SORCS2: variants seen among roughly 807,000 people sequenced by gnomAD.
The protein encoded by SORCS2 is VPS10 domain-containing receptor SorCS2.
A neutral mutation model predicts 141.6 loss-of-function variants in SORCS2; 100 were observed. The ratio of observed to expected loss-of-function variants is 0.71; its 90% CI spans 0.60 to 0.83. SORCS2 has a LOEUF of 0.83. Ranked by LOEUF, SORCS2 falls within the 40% of genes least tolerant of loss-of-function variation. The pLI, the probability that SORCS2 is intolerant of heterozygous loss-of-function variation, is 0.00. For synonymous variants in SORCS2, 789 were observed against 676.9 expected, an observed-to-expected ratio of 1.17 and a Z score of -2.57; for missense variants, 1,646 against 1,560.2, an observed-to-expected ratio of 1.05 and a Z score of -0.93.
At chr4:7,393,681 G>A (rs558879434) in intron 1 of SORCS2, among the ~76,000 whole-genome samples, 21 of 152,306 alleles carry the variant, frequency 1.4e-4, no homozygotes, top group African/African-American at 3.6e-4. Context: ...GGGGCATTGC[G>A]GGGGTTGCTG....
At position 7,324,016 on chromosome 4, in the gene SORCS2, C is replaced by T. The variant is rs111787402; in HGVS notation, c.481-72272C>T. Among the ~76,000 whole-genome samples, 1,341 of 152,320 alleles carry T rather than the reference C, an allele frequency of 8.8e-3. 16 individuals are homozygous for T. The highest frequency in any genetic ancestry group is 0.03 in the African/African-American group (1,247 of 41,562). ...TCCTAGGATCTGAGGCCCACACCAT[C>T]CTTACGCGATGGGTCTCTCACAGGG... On this transcript the variant is annotated intron_variant, in intron 1 of 26. Transcript: ENST00000507866.
chr4:7,548,929 G>A (rs1713475556), intron 3 of SORCS2, among the ~76,000 whole-genome samples: 1 of 152,204 alleles, frequency 6.6e-6, no homozygotes, highest in Admixed American at 6.5e-5. Context: ...TCTGAGCCAA[G>A]ATGCCCCATT....
chr4:7,522,472 C>T (rs978890364), intron 2 of SORCS2, among the ~76,000 whole-genome samples: 69 of 152,158 alleles, frequency 4.5e-4, no homozygotes, highest in African/African-American at 1.6e-3. Flanking sequence ...ATGATCAGCT[C>T]CTGAGTTGCT....
intron 3 of SORCS2, among the ~76,000 whole-genome samples, chr4:7,563,257 C>T (rs1349495827): frequency 2.6e-5 from 4 of 152,130 alleles, no homozygotes; most frequent in Non-Finnish European, 2.9e-5. Flanking sequence ...ACAATGACTG[C>T]ATGCCACCAC....
intron 2 of SORCS2, among the ~76,000 whole-genome samples, chr4:7,505,984 T>C (rs959402721): frequency 1.9e-4 from 29 of 152,056 alleles, no homozygotes; most frequent in African/African-American, 5.3e-4. Context: ...CCAGAGTCAT[T>C]GTGAGGAGCC....
intron 1 of SORCS2, among the ~76,000 whole-genome samples, chr4:7,235,243 C>A (rs535889286): frequency 6.6e-6 from 1 of 152,216 alleles, no homozygotes; most frequent in Non-Finnish European, 1.5e-5. Flanking sequence ...CCAGTTAGTA[C>A]CCCACCCTTC....
At chr4:7,691,290 G>A (rs898881610) in intron 11 of SORCS2, among the ~76,000 whole-genome samples, 1 of 152,240 alleles carries the variant, frequency 6.6e-6, no homozygotes, top group Non-Finnish European at 1.5e-5. Context: ...GGCCCTCCAA[G>A]GCTGTTTGTG....
chr4:7,482,634 C>CT (rs779186952), intron 2 of SORCS2, among the ~76,000 whole-genome samples: 64 of 80,930 alleles, frequency 7.9e-4, no homozygotes, highest in East Asian at 3.0e-3. Flanking sequence ...ACACCCCTGA[C>CT]GCTGTTTAGA....
At chr4:7,268,062 A>G (rs1047522903) in intron 1 of SORCS2, among the ~76,000 whole-genome samples, 2 of 152,130 alleles carry the variant, frequency 1.3e-5, no homozygotes, top group Non-Finnish European at 2.9e-5. Flanking sequence ...CTGGTTGTCT[A>G]CACAGCCTGA....
At chr4:7,693,747 G>A (rs1429381389) in intron 11 of SORCS2, among the ~76,000 whole-genome samples, 2 of 152,246 alleles carry the variant, frequency 1.3e-5, no homozygotes, top group East Asian at 1.9e-4. Context: ...TCAGGGAACT[G>A]AGTCTCAGAG....
At chr4:7,613,912 T>C (rs1718583939) in intron 3 of SORCS2, among the ~76,000 whole-genome samples, 1 of 151,550 alleles carries the variant, frequency 6.6e-6, no homozygotes, top group Non-Finnish European at 1.5e-5. Flanking sequence ...ACCTATCCAC[T>C]CATCAAACAT....
intron 14 of SORCS2, among the ~76,000 whole-genome samples, chr4:7,709,012 TG>T (rs1175354930): frequency 6.6e-6 from 1 of 152,230 alleles, no homozygotes; most frequent in African/African-American, 2.4e-5. Context: ...GGCCGTGGTC[TG>T]GGACAGAATG....
chr4:7,304,155 A>AT lies in SORCS2; in HGVS notation c.481-92133_481-92132insT, dbSNP rs557724310. ...ACGCTGGAGATAACAGCAAAGAGCA[A>AT]AAGACCAAACCCTGAGTCTTCGCTC... On this transcript the variant is annotated intron_variant, in intron 1 of 26. Transcript: ENST00000507866. Among the ~76,000 whole-genome samples, 402 of 152,360 alleles carry AT rather than the reference A, an allele frequency of 2.6e-3. 4 individuals carry two copies. Among genetic ancestry groups the AT allele is most frequent in the African/African-American group, 9.4e-3 (391 of 41,578 alleles).
At chr4:7,469,852 G>A (rs1274680160) in intron 2 of SORCS2, among the ~76,000 whole-genome samples, 3 of 152,204 alleles carry the variant, frequency 2.0e-5, no homozygotes, top group African/African-American at 4.8e-5. Flanking sequence ...ATGGGGAGGC[G>A]AACAGGCTTC....
intron 19 of SORCS2, among the ~76,000 whole-genome samples, chr4:7,724,548 G>A (rs934927771): frequency 1.4e-5 from 2 of 144,536 alleles, no homozygotes; most frequent in East Asian, 4.2e-4. Flanking sequence ...GGTGATAGTA[G>A]TGGTGGGAAT....
rs933143125 is a variant in SORCS2 at position 7,233,483 on chromosome 4, C to A, written c.480+40357C>A. Reference sequence around the variant, plus strand: ...ACACTGGGCCACAGTGCAGTACAGACCCTCGCTGGGCTCAGGGTGAGCAGA... The same window carrying A: ...ACACTGGGCCACAGTGCAGTACAGAACCTCGCTGGGCTCAGGGTGAGCAGA... On this transcript the variant is annotated intron_variant, in intron 1 of 26. Coordinates refer to ENST00000507866, the MANE Select transcript of SORCS2 (RefSeq NM_020777.3). This position sits in a 1 kb window ranked among gnomAD's most constrained non-coding sequence, Gnocchi z 4.5. Among the ~76,000 whole-genome samples, 3 of 152,184 alleles carry A rather than the reference C, an allele frequency of 2.0e-5. No individual in the cohort carries two copies. The highest frequency in any genetic ancestry group is 1.5e-5 in the Non-Finnish European group (1 of 68,030).
At chr4:7,472,230 G>A (rs1043366258) in intron 2 of SORCS2, among the ~76,000 whole-genome samples, 3 of 152,180 alleles carry the variant, frequency 2.0e-5, no homozygotes, top group Admixed American at 6.5e-5. Flanking sequence ...TGGATGCATC[G>A]GGATGGAGGG....
intron 2 of SORCS2, among the ~76,000 whole-genome samples, chr4:7,528,623 AC>A: frequency 6.6e-6 from 1 of 152,070 alleles, no homozygotes; most frequent in Middle Eastern, 3.4e-3. Context: ...ACGAGGTTTC[AC>A]CATGTTGGCC....
At chr4:7,373,478 A>ATATATATATATATATATATTT (rs1470691140) in intron 1 of SORCS2, among the ~76,000 whole-genome samples, 3 of 36,814 alleles carry the variant, frequency 8.1e-5, no homozygotes, top group Non-Finnish European at 8.3e-5. Context: ...ATATATATAT[A>ATATATATATATATATATATTT]TTTTTTTTTT....
Sources: gnomAD v4.1 joint callset for allele counts (sites outside exome capture counted in the v4.1 genomes callset) on GRCh38, gnomAD v4.1.1 for gene constraint, Gnocchi (gnomAD v3.1) non-coding constraint, MANE v1.5 for transcripts, NCBI Gene and HGNC (gene_info 2026-07-23, HGNC 2026-07-21) for gene names.